The following WWOX variants were observed in gnomAD, a reference collection of about 807,000 sequenced individuals.
The protein encoded by WWOX is WW domain-containing oxidoreductase.
A neutral mutation model predicts 46.2 loss-of-function variants in WWOX; 69 were observed. The observed-to-expected ratio is 1.49, with a 90% confidence interval of 1.23 to 1.82. The LOEUF is 1.82. Ranked by LOEUF, WWOX falls within the 40% of genes most tolerant of loss-of-function variation. The pLI, the probability that WWOX is intolerant of heterozygous loss-of-function variation, is 0.00. For missense variants in WWOX, 919 were observed against 542.6 expected (o/e 1.69, Z -6.89); for synonymous variants, 359 against 202.6 (o/e 1.77, Z -6.56).
At chr16:78,735,394 A>AACAC (rs35975130) in intron 8 of WWOX, among the ~76,000 whole-genome samples, 1,409 of 121,382 alleles carry the variant, frequency 0.012, 34 homozygotes, top group African/African-American at 0.037. Flanking sequence ...ACCACACACA[A>AACAC]ACACACACAC....
At chr16:78,330,991 G>A (rs887950208) in intron 5 of WWOX, among the ~76,000 whole-genome samples, 1 of 152,184 alleles carries the variant, frequency 6.6e-6, no homozygotes, top group Non-Finnish European at 1.5e-5. Flanking sequence ...TATTCAGACA[G>A]GTGGAAGTTG....
Position 79,123,631 on chromosome 16 carries a change from C to G in WWOX, c.1057-87977C>G, listed in dbSNP as rs147373713. Among the ~76,000 whole-genome samples the G allele has an allele frequency of 1.1e-3, 160 of 152,188 alleles. No individual in the cohort carries two copies. In the East Asian group the frequency reaches 0.024, roughly 23 times the overall value. On this transcript the variant is annotated intron_variant, in intron 8 of 8. Coordinates refer to ENST00000566780, the MANE Select transcript of WWOX (RefSeq NM_016373.4). ...AGCCAGCAGTCAAAATAGTTTGACC[C>G]CAAGGCTCCAGGCTTTTTCCCTATT...
At chr16:79,006,266 C>A (rs1322789660) in intron 8 of WWOX, among the ~76,000 whole-genome samples, 1 of 152,226 alleles carries the variant, frequency 6.6e-6, no homozygotes, top group Middle Eastern at 3.4e-3. Context: ...GGAGACCTGT[C>A]CTGGGAATGG....
At chr16:79,145,667 C>G (rs934849168) in intron 8 of WWOX, among the ~76,000 whole-genome samples, 7 of 152,060 alleles carry the variant, frequency 4.6e-5, no homozygotes, top group Non-Finnish European at 4.4e-5. Context: ...CCAAAATGTT[C>G]TTTGTTTTAA....
At chr16:79,180,452 G>A (rs1262837552) in intron 8 of WWOX, among the ~76,000 whole-genome samples, 1 of 152,184 alleles carries the variant, frequency 6.6e-6, no homozygotes, top group African/African-American at 2.4e-5. Context: ...CATAAAGCCT[G>A]GGGTGGTGAT....
rs529814216 is a variant in WWOX at position 78,957,207 on chromosome 16, G to C, written c.1057-254401G>C. Among the ~76,000 whole-genome samples the C allele has an allele frequency of 1.6e-4, 24 of 152,270 alleles. No homozygotes were observed. The South Asian group carries it at 5.0e-3, about 32-fold the overall frequency. On this transcript the variant is annotated intron_variant, in intron 8 of 8. Transcript: ENST00000566780. ...ATATTTACTGAAATGCAGGGCACAC[G>C]ACTTTTCCAGCAAACCACACCGCCG...
chr16:78,836,858 A>G (rs2051999382), intron 8 of WWOX, among the ~76,000 whole-genome samples: 1 of 152,146 alleles, frequency 6.6e-6, no homozygotes, highest in Non-Finnish European at 1.5e-5. Context: ...ATCTCTTAGC[A>G]TAGGGGGCCA....
chr16:78,143,450 C>A (rs141094516), intron 4 of WWOX, among the ~76,000 whole-genome samples: 4 of 152,130 alleles, frequency 2.6e-5, no homozygotes, highest in Admixed American at 6.5e-5. Flanking sequence ...TCCAGCCCCC[C>A]GAGGCCCACT....
intron 8 of WWOX, among the ~76,000 whole-genome samples, chr16:78,791,352 G>A (rs2050594954): frequency 6.6e-6 from 1 of 152,162 alleles, no homozygotes; most frequent in South Asian, 2.1e-4. Flanking sequence ...TTATGTATTA[G>A]GAAGCATTCA....
At chr16:78,354,731 C>G (rs67848536) in intron 5 of WWOX, among the ~76,000 whole-genome samples, 1 of 151,886 alleles carries the variant, frequency 6.6e-6, no homozygotes, top group Non-Finnish European at 1.5e-5. Flanking sequence ...ATTATGTTCT[C>G]TCATTCTGTT....
intron 8 of WWOX, among the ~76,000 whole-genome samples, chr16:78,705,071 C>T (rs1398524674): frequency 6.6e-6 from 1 of 151,974 alleles, no homozygotes; most frequent in Admixed American, 6.6e-5. Context: ...AAATGAGCTG[C>T]CTGGTTTATT....
At chr16:78,671,608 C>G (rs950515245) in intron 8 of WWOX, among the ~76,000 whole-genome samples, 1 of 152,028 alleles carries the variant, frequency 6.6e-6, no homozygotes, top group African/African-American at 2.4e-5. Context: ...ATTTTCTTAC[C>G]TATAAAGTAG....
intron 8 of WWOX, among the ~76,000 whole-genome samples, chr16:78,657,132 G>A (rs192685364): frequency 4.7e-4 from 71 of 152,254 alleles, no homozygotes; most frequent in African/African-American, 1.2e-3. Flanking sequence ...TGGCCCCTGC[G>A]TCACCTTCAC....
intron 4 of WWOX, among the ~76,000 whole-genome samples, chr16:78,158,715 T>A (rs953870497): frequency 1.2e-4 from 19 of 152,170 alleles, no homozygotes; most frequent in Non-Finnish European, 2.2e-4. Flanking sequence ...TTTTTCATTT[T>A]TAAAAACAAC....
chr16:78,875,883 A>T (rs555864686), intron 8 of WWOX, among the ~76,000 whole-genome samples: 17 of 152,298 alleles, frequency 1.1e-4, no homozygotes, highest in Admixed American at 4.6e-4. Context: ...ATTGCTTAGT[A>T]GAAACTTGTT....
At chr16:78,808,879 T>C (rs1360739500) in intron 8 of WWOX, among the ~76,000 whole-genome samples, 1 of 152,200 alleles carries the variant, frequency 6.6e-6, no homozygotes, top group Non-Finnish European at 1.5e-5. Flanking sequence ...AATATAGTTG[T>C]GTGGCTTGGT....
At chr16:78,451,607 T>C (rs1374944909) in intron 8 of WWOX, among the ~76,000 whole-genome samples, 4 of 152,114 alleles carry the variant, frequency 2.6e-5, no homozygotes, top group African/African-American at 9.7e-5. Flanking sequence ...CACTGTAAAA[T>C]GGGGAAAGTA....
At chr16:78,226,870 T>G (rs1676158402) in intron 5 of WWOX, among the ~76,000 whole-genome samples, 1 of 152,172 alleles carries the variant, frequency 6.6e-6, no homozygotes, top group African/African-American at 2.4e-5. Context: ...GATAGATTCA[T>G]AGCGCTTCCA....
intron 8 of WWOX, among the ~76,000 whole-genome samples, chr16:78,684,883 C>T (rs974271121): frequency 2.0e-5 from 3 of 152,136 alleles, no homozygotes; most frequent in African/African-American, 7.2e-5. Flanking sequence ...CTTTTATAGT[C>T]AGAGCATAGG....
Sources: allele counts gnomAD v4.1 joint callset (sites outside exome capture counted in the v4.1 genomes callset), GRCh38; gene constraint gnomAD v4.1.1; transcripts MANE v1.5; gene names NCBI Gene and HGNC (gene_info 2026-07-23, HGNC 2026-07-21).